Variants in STARD10 observed in about 807,000 individuals in gnomAD.
STARD10 encodes the protein StAR related lipid transfer domain containing 10.
In STARD10, 24 loss-of-function variants were observed where a neutral mutation model predicts 36.0. The ratio of observed to expected loss-of-function variants is 0.67; its 90% CI spans 0.48 to 0.94. The LOEUF (loss-of-function observed/expected upper bound fraction) is 0.94, where lower values mean the gene tolerates loss of function less well. Ranked by LOEUF, STARD10 falls within the 40% of genes least tolerant of loss-of-function variation. The pLI is 0.00. For missense variants in STARD10, 335 were observed against 396.6 expected (o/e 0.84, Z 1.32); for synonymous variants, 156 against 161.9 (o/e 0.96, Z 0.28).
chr11:72,793,440 C>T lies in STARD10; in HGVS notation c.-679G>A, dbSNP rs1859174548. ...GTCACACAGCAAGCTGGAAGCAGAG[C>T]CTGGGTGCAGTCCTTGAATCCTGAT... On this transcript the variant is annotated 5_prime_UTR_variant, in exon 1 of 7. Transcript: ENST00000334805. The T allele has an allele frequency of 6.6e-6, 1 of 152,236 alleles. No individual in the cohort carries two copies. The highest frequency in any genetic ancestry group is 2.1e-4 in the South Asian group (1 of 4,834). The allele number at this position is 152,236 out of a possible 1,614,324, so 9.4% of individuals were successfully genotyped here. A position where few individuals can be genotyped will look rare whatever the true frequency, so the allele number is the denominator to read the frequency against.
Position 72,754,911 on chromosome 11 carries a change from TGTCGTCGTCGCTGCCC to T in STARD10, c.846_861del (p.Gly283ProfsTer55). The T allele has an allele frequency of 6.3e-7, 1 of 1,599,142 alleles. No individual in the cohort carries two copies. On this transcript the variant is annotated frameshift_variant, in exon 7 of 7. Coordinates refer to ENST00000334805, the MANE Select transcript of STARD10 (RefSeq NM_006645.3). LOFTEE classifies it high-confidence loss of function. Reference sequence around the variant, plus strand: ...CGGTGCGGCGCTCAGGTGAGCGAGGTGTCGTCGTCGCTGCCCTCGCCGCCCGCGCCGCCCATCCGCT... The same window carrying T: ...CGGTGCGGCGCTCAGGTGAGCGAGGTTCGCCGCCCGCGCCGCCCATCCGCT...
In STARD10 at chr11:72,793,290, G is replaced by A. The variant is rs1441262652; in HGVS notation, c.-529C>T. 1 of 152,216 alleles carries A rather than the reference G, an allele frequency of 6.6e-6. No individual in the cohort carries two copies. The highest frequency in any genetic ancestry group is 1.5e-5 in the Non-Finnish European group (1 of 68,052). 9.4% of individuals were successfully genotyped at this position (152,216 alleles called of 1,614,324 possible). A position where few individuals can be genotyped will look rare whatever the true frequency, so the allele number is the denominator to read the frequency against. On this transcript the variant is annotated 5_prime_UTR_variant, in exon 1 of 7. It adds an upstream start codon to the 5' untranslated region. Transcript: ENST00000334805. ...ATAATATTTTGCCTTTATATACCGC[G>A]TGGGTAAATTCCTGAAAGTAAACTA...
intron 2 of STARD10, among the ~76,000 whole-genome samples, chr11:72,772,644 G>GCTGT (rs895999700): frequency 2.6e-5 from 4 of 152,048 alleles, no homozygotes; most frequent in Admixed American, 2.0e-4. Flanking sequence ...GAAAGCTTCT[G>GCTGT]CTGTCTGTCT....
chr11:72,765,436 C>G (rs1858774739), intron 2 of STARD10, among the ~76,000 whole-genome samples: 1 of 152,012 alleles, frequency 6.6e-6, no homozygotes, highest in Non-Finnish European at 1.5e-5. Flanking sequence ...TCCACAGCTC[C>G]CCAATTCCCA....
At chr11:72,790,823 G>C (rs928295899) in intron 1 of STARD10, among the ~76,000 whole-genome samples, 1 of 152,262 alleles carries the variant, frequency 6.6e-6, no homozygotes, top group Non-Finnish European at 1.5e-5. Flanking sequence ...CAGAACTGGA[G>C]GAGGAGATGG....
chr11:72,758,493 TC>T (rs1301575227), intron 4 of STARD10, 36 bp downstream of exon 4: 1 of 1,564,766 alleles, frequency 6.4e-7, no homozygotes, highest in East Asian at 2.2e-5. Flanking sequence ...CCTGACCCTC[TC>T]CCCTGCTCCA....
At chr11:72,783,288 G>A (rs1388986239) in intron 1 of STARD10, among the ~76,000 whole-genome samples, 2 of 152,188 alleles carry the variant, frequency 1.3e-5, no homozygotes, top group East Asian at 1.9e-4. Flanking sequence ...ACAATGTGCT[G>A]CAGGTCCTCA....
chr11:72,755,183 G>A, intron 6 of STARD10, 41 bp from the exon 7 acceptor site: 1 of 1,572,906 alleles, frequency 6.4e-7, no homozygotes, highest in Admixed American at 1.8e-5. Flanking sequence ...GGTGGCTAGG[G>A]GGCAGGTCTT....
chr11:72,756,129 T>G (rs1003989515), intron 5 of STARD10, among the ~76,000 whole-genome samples: 1 of 151,828 alleles, frequency 6.6e-6, no homozygotes, highest in Non-Finnish European at 1.5e-5. Context: ...CCCCTGACGC[T>G]CAGCCCCTCC....
At chr11:72,755,392 C>T in intron 6 of STARD10, 1 of 561,240 alleles carries the variant, frequency 1.8e-6, no homozygotes, top group Non-Finnish European at 3.1e-6. Flanking sequence ...CTCACTGCAA[C>T]CTCTGCCTTC....
chr11:72,784,240 G>A (rs776959659), intron 1 of STARD10, among the ~76,000 whole-genome samples: 4 of 152,176 alleles, frequency 2.6e-5, no homozygotes, highest in East Asian at 1.9e-4. Flanking sequence ...AATGAGCCCA[G>A]GAGGGCTGGA....
intron 2 of STARD10, among the ~76,000 whole-genome samples, chr11:72,771,014 C>T (rs1345942512): frequency 6.6e-6 from 1 of 152,208 alleles, no homozygotes; most frequent in East Asian, 1.9e-4. Context: ...GTGCCAGGCT[C>T]TGTGCTAAGA....
At position 72,781,525 on chromosome 11, in the gene STARD10, G is replaced by T; in HGVS notation, c.-113-231C>A. The T allele has an allele frequency of 4.3e-6, 1 of 234,406 alleles. No homozygotes were observed. The highest frequency in any genetic ancestry group is 7.0e-5 in the South Asian group (1 of 14,214). 14.5% of individuals were successfully genotyped at this position (234,406 alleles called of 1,614,324 possible). On this transcript the variant is annotated intron_variant, in intron 1 of 6. Transcript: ENST00000334805. This position sits in a 1 kb window ranked among gnomAD's most constrained non-coding sequence, Gnocchi z 4.7. ...GCCGGCGGGCGCCCGTCGGGACCCA[G>T]GGACTGGCCGGGACCCGAGGGGAGG...
At chr11:72,792,088 CAG>C (rs1859151591) in intron 1 of STARD10, among the ~76,000 whole-genome samples, 1 of 122,024 alleles carries the variant, frequency 8.2e-6, no homozygotes. Flanking sequence ...CTTACTCTGT[CAG>C]CCAGGCTGGA....
At chr11:72,772,788 C>T (rs956546836) in intron 2 of STARD10, among the ~76,000 whole-genome samples, 1 of 152,196 alleles carries the variant, frequency 6.6e-6, no homozygotes, top group Non-Finnish European at 1.5e-5. Flanking sequence ...GGGAGCCTAC[C>T]TCCCTGACCA....
At chr11:72,792,111 G>A (rs1859152216) in intron 1 of STARD10, among the ~76,000 whole-genome samples, 1 of 131,030 alleles carries the variant, frequency 7.6e-6, no homozygotes, top group South Asian at 2.5e-4. Context: ...GTACAGTGGC[G>A]CCATCTCGGC....
chr11:72,777,562 G>C (rs1294638034), intron 2 of STARD10, among the ~76,000 whole-genome samples: 3 of 152,256 alleles, frequency 2.0e-5, no homozygotes, highest in Admixed American at 6.5e-5. Flanking sequence ...TTGTACCCAG[G>C]ATCCACATTC....
chr11:72,780,198 G>A, intron 2 of STARD10: 1 of 445,040 alleles, frequency 2.2e-6, no homozygotes, highest in South Asian at 1.6e-5. Context: ...TCCCCTGGGG[G>A]ATATGCGTTC....
At chr11:72,790,857 T>G (rs1262383793) in intron 1 of STARD10, among the ~76,000 whole-genome samples, 1 of 152,204 alleles carries the variant, frequency 6.6e-6, no homozygotes, top group East Asian at 1.9e-4. Flanking sequence ...CCCTTGACTT[T>G]CAGAAATGCA....
Sources: allele counts gnomAD v4.1 joint callset (sites outside exome capture counted in the v4.1 genomes callset), GRCh38; gene constraint gnomAD v4.1.1; non-coding constraint Gnocchi (gnomAD v3.1); transcripts MANE v1.5; gene names NCBI Gene and HGNC (gene_info 2026-07-23, HGNC 2026-07-21).